PRKG1: variants seen among roughly 807,000 people sequenced by gnomAD.
The protein encoded by PRKG1 is protein kinase cGMP-dependent 1, also known as cGMP-dependent protein kinase 1.
Under a neutral mutation model 88.1 loss-of-function variants are expected in PRKG1, and 35 were observed. The ratio of observed to expected loss-of-function variants is 0.40; its 90% CI spans 0.30 to 0.53. The LOEUF (loss-of-function observed/expected upper bound fraction) is 0.53. PRKG1 is among the 20% of genes least tolerant of loss of function. PRKG1 has a pLI of 0.59. For synonymous variants in PRKG1, 303 were observed against 292.5 expected (o/e 1.04, Z -0.37); for missense variants, 540 against 839.8 (o/e 0.64, Z 4.41).
intron 2 of PRKG1, among the ~76,000 whole-genome samples, chr10:51,450,257 A>T (rs1179566775): frequency 6.6e-6 from 1 of 152,038 alleles, no homozygotes; most frequent in Non-Finnish European, 1.5e-5. Flanking sequence ...TTTTTTAAAG[A>T]TTCAAGATAA....
chr10:51,139,006 C>A (rs1314510362), intron 1 of PRKG1, among the ~76,000 whole-genome samples: 1 of 151,942 alleles, frequency 6.6e-6, no homozygotes, highest in African/African-American at 2.4e-5. Flanking sequence ...GGTGATGAGA[C>A]CTACTCTCCG....
chr10:52,068,281 C>G (rs967188383), intron 7 of PRKG1, among the ~76,000 whole-genome samples: 3 of 149,782 alleles, frequency 2.0e-5, no homozygotes, highest in African/African-American at 2.5e-5. Context: ...CAGATGATGG[C>G]AAATTCTAAA....
intron 4 of PRKG1, among the ~76,000 whole-genome samples, chr10:51,876,119 C>T (rs551843621): frequency 7.2e-5 from 11 of 152,134 alleles, no homozygotes; most frequent in African/African-American, 2.6e-4. Flanking sequence ...GTCTCTTTTC[C>T]TAAAGAGAGC....
chr10:51,499,827 G>C (rs1840970626), intron 3 of PRKG1, among the ~76,000 whole-genome samples: 1 of 152,174 alleles, frequency 6.6e-6, no homozygotes. Context: ...TGGGCTTGTT[G>C]ATATGTGCTT....
At chr10:52,293,235 C>CA (rs1302147220) in intron 17 of PRKG1, among the ~76,000 whole-genome samples, 4 of 151,802 alleles carry the variant, frequency 2.6e-5, no homozygotes, top group Non-Finnish European at 4.4e-5. Flanking sequence ...AGGAGAACTA[C>CA]AACCCACTGC....
chr10:52,132,243 A>G (rs1469875755), intron 7 of PRKG1, among the ~76,000 whole-genome samples: 2 of 152,184 alleles, frequency 1.3e-5, no homozygotes, highest in African/African-American at 2.4e-5. Context: ...TTAATATAAT[A>G]CAACTCTACT....
intron 3 of PRKG1, among the ~76,000 whole-genome samples, chr10:51,652,080 T>C (rs971346976): frequency 1.3e-5 from 2 of 152,218 alleles, no homozygotes; most frequent in Admixed American, 6.5e-5. Context: ...ATTGAGTTTC[T>C]GCTGTTAGTA....
chr10:52,108,825 CTTTTT>C (rs61504053), intron 7 of PRKG1, among the ~76,000 whole-genome samples: 5 of 122,728 alleles, frequency 4.1e-5, no homozygotes, highest in East Asian at 2.3e-4. Flanking sequence ...ACAAGTATTC[CTTTTT>C]TTTTTTTTTT....
intron 2 of PRKG1, among the ~76,000 whole-genome samples, chr10:51,414,728 A>AT (rs1838191710): frequency 6.6e-6 from 1 of 152,320 alleles, no homozygotes; most frequent in East Asian, 1.9e-4. Context: ...AAACTGGATG[A>AT]TTTTTTATTC....
Position 51,193,914 on chromosome 10 carries a change from G to A in PRKG1, c.478+40584G>A, listed in dbSNP as rs938879819. On this transcript the variant is annotated intron_variant, in intron 2 of 17. Transcript: ENST00000373980. ...GGACATAAATTGATGACATTTCTTA[G>A]GAAAGCAACACCCTAAAACTTCACT... Among the ~76,000 whole-genome samples the A allele has an allele frequency of 3.9e-5, 6 of 152,100 alleles. No homozygotes were observed. The South Asian group carries it at 8.3e-4, about 21-fold the overall frequency.
intron 1 of PRKG1, among the ~76,000 whole-genome samples, chr10:51,093,113 A>G (rs1276298971): frequency 2.0e-5 from 3 of 152,208 alleles, no homozygotes; most frequent in Admixed American, 1.3e-4. Flanking sequence ...AACCTAAAAG[A>G]TATAGAGACC....
Position 50,991,326 on chromosome 10 carries a change from G to GT in PRKG1, c.-53_-52insT. 1 of 1,486,704 alleles carries GT rather than the reference G, an allele frequency of 6.7e-7. No individual in the cohort carries two copies. Among genetic ancestry groups the GT allele is most frequent in the Non-Finnish European group, 8.9e-7 (1 of 1,120,776 alleles). The allele number at this position is 1,486,704 out of a possible 1,614,324, so 92.1% of individuals were successfully genotyped here. ...TGCCGTCCCAGCCGCCGCCGCCGCCGCCGCCGCCGCCGCCGCCCGAGAAAA... is the reference window on the plus strand; with the variant it reads ...TGCCGTCCCAGCCGCCGCCGCCGCCGTCCGCCGCCGCCGCCGCCCGAGAAAA... On this transcript the variant is annotated 5_prime_UTR_variant, in exon 1 of 18. Coordinates refer to the PRKG1 transcript ENST00000401604. The surrounding 1 kb of genome is among the most constrained non-coding windows in gnomAD (Gnocchi z 4.5).
chr10:51,830,777 G>T (rs911347278), intron 4 of PRKG1, among the ~76,000 whole-genome samples: 7 of 151,854 alleles, frequency 4.6e-5, no homozygotes, highest in African/African-American at 1.7e-4. Context: ...GGCCAGGCTG[G>T]TCTCGAACTG....
At chr10:51,374,243 C>T (rs1842771399) in intron 2 of PRKG1, among the ~76,000 whole-genome samples, 1 of 149,724 alleles carries the variant, frequency 6.7e-6, no homozygotes, top group Non-Finnish European at 1.5e-5. Flanking sequence ...CCTAGCACCC[C>T]CACCCCCAAC....
At chr10:51,085,475 C>T (rs1332633194) in intron 1 of PRKG1, among the ~76,000 whole-genome samples, 1 of 152,058 alleles carries the variant, frequency 6.6e-6, no homozygotes, top group Non-Finnish European at 1.5e-5. Context: ...ACTGCATGCA[C>T]TGTTGAGTAC....
intron 3 of PRKG1, among the ~76,000 whole-genome samples, chr10:51,595,147 G>A (rs1361614238): frequency 6.6e-6 from 1 of 152,228 alleles, no homozygotes; most frequent in East Asian, 1.9e-4. Flanking sequence ...AGCAGCTCAA[G>A]ACCAGTCTAG....
chr10:51,495,845 T>C (rs1409350), intron 3 of PRKG1, among the ~76,000 whole-genome samples: 1 of 152,232 alleles, frequency 6.6e-6, no homozygotes, highest in East Asian at 1.9e-4. Flanking sequence ...TTAAAAGTGA[T>C]GTAGGTATGA....
At chr10:51,696,439 A>G (rs1039921882) in intron 3 of PRKG1, 1 of 151,386 alleles carries the variant, frequency 6.6e-6, no homozygotes, top group Non-Finnish European at 1.5e-5. Context: ...GGAAGGATGT[A>G]AGAGAATTAC....
intron 3 of PRKG1, among the ~76,000 whole-genome samples, chr10:51,518,939 C>A (rs1841664681): frequency 1.3e-5 from 2 of 152,146 alleles, no homozygotes; most frequent in Non-Finnish European, 1.5e-5. Context: ...TTTTAATCTG[C>A]TTTCATTGTT....
Sources: allele counts gnomAD v4.1 joint callset (sites outside exome capture counted in the v4.1 genomes callset), GRCh38; gene constraint gnomAD v4.1.1; non-coding constraint Gnocchi (gnomAD v3.1); transcripts MANE v1.5; gene names NCBI Gene and HGNC (gene_info 2026-07-23, HGNC 2026-07-21).